The following TENM3 variants were observed in gnomAD, a reference collection of about 807,000 sequenced individuals.
TENM3 encodes the protein teneurin transmembrane protein 3.
A neutral mutation model predicts 255.1 loss-of-function variants in TENM3; 63 were observed. That is an observed-to-expected ratio of 0.25 (90% CI 0.20 to 0.30). The LOEUF (loss-of-function observed/expected upper bound fraction) is 0.30. Ranked by LOEUF, TENM3 falls within the 10% of genes least tolerant of loss-of-function variation. The probability of loss-of-function intolerance (pLI) is 1.00; values close to 1 mark genes in which losing one functional copy is unlikely to be tolerated. For synonymous variants in TENM3, 1,306 were observed against 1,322.3 expected, an observed-to-expected ratio of 0.99 and a Z score of 0.27; for missense variants, 2,929 against 3,461.1, an observed-to-expected ratio of 0.85 and a Z score of 3.86.
At chr4:181,694,446 G>A in the TENM3 span, among the ~76,000 whole-genome samples, 3 of 152,282 alleles carry the variant, frequency 2.0e-5, no homozygotes. Context: ...GTGTTAACAG[G>A]CTCGTTGTGT....
chr4:181,577,875 A>T, the TENM3 span, among the ~76,000 whole-genome samples: 1 of 152,198 alleles, frequency 6.6e-6, no homozygotes, highest in African/African-American at 2.4e-5. Flanking sequence ...ACTTTTTAAA[A>T]TTGTCTCTTT....
intron 3 of TENM3, among the ~76,000 whole-genome samples, chr4:182,374,806 C>T (rs1217825653): frequency 6.6e-6 from 1 of 152,156 alleles, no homozygotes; most frequent in Admixed American, 6.5e-5. Flanking sequence ...CGTCTTTGCA[C>T]CAGTGAAGAC....
the TENM3 span, among the ~76,000 whole-genome samples, chr4:181,904,660 G>A: frequency 3.4e-4 from 51 of 152,180 alleles, no homozygotes; most frequent in Non-Finnish European, 4.4e-4. Flanking sequence ...CTCTGTCCTC[G>A]CTGCCAGCCA....
the TENM3 span, among the ~76,000 whole-genome samples, chr4:181,553,335 TACACAC>T: frequency 7.1e-6 from 1 of 140,900 alleles, no homozygotes; most frequent in Non-Finnish European, 1.6e-5. Context: ...TATATATATA[TACACAC>T]ACACACACAC....
the TENM3 span, among the ~76,000 whole-genome samples, chr4:181,900,903 C>T: frequency 2.3e-4 from 35 of 152,316 alleles, no homozygotes; most frequent in Admixed American, 9.2e-4. Flanking sequence ...GCATCTATTT[C>T]TGCCTGAGTT....
At chr4:182,373,563 A>G (rs1256293385) in intron 3 of TENM3, among the ~76,000 whole-genome samples, 1 of 152,136 alleles carries the variant, frequency 6.6e-6, no homozygotes, top group African/African-American at 2.4e-5. Flanking sequence ...TGCATGAACT[A>G]ATAGGGTGAG....
intron 1 of TENM3, among the ~76,000 whole-genome samples, chr4:182,179,928 T>A (rs1426364889): frequency 6.6e-6 from 1 of 152,176 alleles, no homozygotes; most frequent in Admixed American, 6.5e-5. Context: ...CATATTCAGA[T>A]CCATTTTTGT....
chr4:181,850,216 C>G, the TENM3 span, among the ~76,000 whole-genome samples: 1 of 151,662 alleles, frequency 6.6e-6, no homozygotes, highest in Non-Finnish European at 1.5e-5. Flanking sequence ...TCTCATTTTT[C>G]TCCTATTTCT....
the TENM3 span, among the ~76,000 whole-genome samples, chr4:181,665,476 T>G: frequency 1.4e-4 from 21 of 152,224 alleles, no homozygotes; most frequent in African/African-American, 4.6e-4. Flanking sequence ...ATATTGTACG[T>G]GTACATATAC....
At chr4:182,220,394 A>AAAAC (rs1755781027) in intron 1 of TENM3, among the ~76,000 whole-genome samples, 1 of 150,616 alleles carries the variant, frequency 6.6e-6, no homozygotes, top group African/African-American at 2.4e-5. Flanking sequence ...AAAAAAAAAA[A>AAAAC]AAAAAAAAGT....
At chr4:182,124,777 C>G in the TENM3 span, among the ~76,000 whole-genome samples, 2 of 152,322 alleles carry the variant, frequency 1.3e-5, no homozygotes, top group South Asian at 4.1e-4. Context: ...TTGAGTTCAA[C>G]TGCAGTCAAC....
intron 22 of TENM3, among the ~76,000 whole-genome samples, chr4:182,767,658 A>T (rs571635486): frequency 6.6e-6 from 1 of 152,298 alleles, no homozygotes; most frequent in Non-Finnish European, 1.5e-5. Context: ...CATCACACAC[A>T]TACACATTAT....
At chr4:182,076,482 G>A in the TENM3 span, among the ~76,000 whole-genome samples, 8 of 151,982 alleles carry the variant, frequency 5.3e-5, no homozygotes, top group East Asian at 3.9e-4. Context: ...GATTACAGGC[G>A]TGAGCCGCCA....
chr4:182,179,838 A>G (rs1369129421), intron 1 of TENM3, among the ~76,000 whole-genome samples: 1 of 152,168 alleles, frequency 6.6e-6, no homozygotes, highest in African/African-American at 2.4e-5. Context: ...ATGCTTCTTT[A>G]ATTTTAAACT....
the TENM3 span, among the ~76,000 whole-genome samples, chr4:181,761,385 C>T: frequency 6.6e-6 from 1 of 152,062 alleles, no homozygotes; most frequent in Non-Finnish European, 1.5e-5. Flanking sequence ...ACTTAGGTCA[C>T]TTATTTGTGC....
the TENM3 span, among the ~76,000 whole-genome samples, chr4:182,100,402 G>T: frequency 2.9e-5 from 4 of 140,248 alleles, no homozygotes; most frequent in Non-Finnish European, 4.5e-5. Context: ...AGGAGTTAAC[G>T]ACCAGCCTCG....
intron 5 of TENM3, among the ~76,000 whole-genome samples, chr4:182,650,889 A>AAAAAATATATATATAT (rs1281790163): frequency 1.4e-3 from 42 of 29,646 alleles, no homozygotes; most frequent in Middle Eastern, 0.014. Flanking sequence ...AATAAAAAAA[A>AAAAAATATATATATAT]ATATATATAT....
the TENM3 span, among the ~76,000 whole-genome samples, chr4:181,669,818 T>G: frequency 2.0e-5 from 3 of 152,110 alleles, no homozygotes; most frequent in Non-Finnish European, 1.5e-5. Context: ...ATGTTATGAG[T>G]GTGTTGAAAT....
chr4:182,077,571 G>T, the TENM3 span, among the ~76,000 whole-genome samples: 1 of 152,158 alleles, frequency 6.6e-6, no homozygotes, highest in Non-Finnish European at 1.5e-5. Flanking sequence ...GGCAGGTAGA[G>T]GAAGGAAGGG....
Sources: gnomAD v4.1 joint callset for allele counts (sites outside exome capture counted in the v4.1 genomes callset) on GRCh38, gnomAD v4.1.1 for gene constraint, MANE v1.5 for transcripts, NCBI Gene and HGNC (gene_info 2026-07-23, HGNC 2026-07-21) for gene names.